COL5A1: variants seen among roughly 807,000 people sequenced by gnomAD.
The protein encoded by COL5A1 is collagen alpha-1(V) chain.
COL5A1 carries 16 observed loss-of-function variants against 263.7 expected under a neutral mutation model. The observed-to-expected ratio is 0.06, with a 90% CI of 0.04 to 0.09. The LOEUF is 0.09. COL5A1 is among the 10% of genes least tolerant of loss of function. The pLI, the probability that COL5A1 is intolerant of heterozygous loss-of-function variation, is 1.00. For synonymous variants in COL5A1, 1,012 were observed against 1,004.5 expected (o/e 1.01, Z -0.14); for missense variants, 2,036 against 2,540.5 (o/e 0.80, Z 4.27).
chr9:134,836,111 C>T (rs1275184736), intron 65 of COL5A1, among the ~76,000 whole-genome samples: 1 of 152,206 alleles, frequency 6.6e-6, no homozygotes, highest in Non-Finnish European at 1.5e-5. Flanking sequence ...GCGCCTCGCT[C>T]CTTTAGTGTT....
intron 32 of COL5A1, among the ~76,000 whole-genome samples, chr9:134,792,890 T>TGC (rs919844397): frequency 1.4e-4 from 7 of 48,322 alleles, no homozygotes; most frequent in Non-Finnish European, 3.7e-4. Context: ...CACGTGTGTG[T>TGC]GCGCGCGTGT....
chr9:134,759,713 C>CA (rs1491459750), intron 18 of COL5A1, among the ~76,000 whole-genome samples: 2 of 95,394 alleles, frequency 2.1e-5, no homozygotes, highest in East Asian at 4.0e-4. Context: ...CATGCACACA[C>CA]CCCCCCACCC....
intron 28 of COL5A1, 24 bp downstream of exon 28, chr9:134,780,170 G>A (rs199535540): frequency 3.1e-6 from 5 of 1,612,630 alleles, no homozygotes; most frequent in Non-Finnish European, 4.2e-6. Context: ...TGCAGCCACG[G>A]GGCCCCCTGC....
intron 4 of COL5A1, among the ~76,000 whole-genome samples, chr9:134,714,070 C>T (rs906154822): frequency 1.3e-5 from 2 of 152,204 alleles, no homozygotes; most frequent in Non-Finnish European, 2.9e-5. Flanking sequence ...TTGAGACTTA[C>T]AGTCAGAGAC....
At chr9:134,778,880 G>A (rs1198977585) in intron 27 of COL5A1, among the ~76,000 whole-genome samples, 1 of 152,262 alleles carries the variant, frequency 6.6e-6, no homozygotes, top group African/African-American at 2.4e-5. Context: ...GTGCCTTGCA[G>A]CTGGCACTGG....
In COL5A1 at chr9:134,755,932, C is replaced by T. The variant is rs1588507750; in HGVS notation, c.1828-833C>T. 6.6e-6 allele frequency among the ~76,000 whole-genome samples: 1 copy of T among 152,066 alleles called. No individual in the cohort carries two copies. The highest frequency in any genetic ancestry group is 1.5e-5 in the Non-Finnish European group (1 of 68,024). On this transcript the variant is annotated intron_variant, in intron 16 of 65. Transcript: ENST00000371817. This position sits in a 1 kb window ranked among gnomAD's most constrained non-coding sequence, Gnocchi z 4.1. ...CAAGGGCCTCATATGAGGAGGAGCC[C>T]CTGGAAAATGGAAGTGCAGGGTGGC... is the stretch of plus-strand genomic sequence containing the variant.
intron 4 of COL5A1, among the ~76,000 whole-genome samples, chr9:134,713,816 CTG>C (rs1022738139): frequency 6.6e-6 from 1 of 152,160 alleles, no homozygotes; most frequent in Admixed American, 6.5e-5. Flanking sequence ...ATAGAAAGAA[CTG>C]GGGTCTGAAC....
At chr9:134,766,634 GC>G in intron 22 of COL5A1, 136 bp downstream of exon 22, 1 of 885,904 alleles carries the variant, frequency 1.1e-6, no homozygotes, top group Non-Finnish European at 1.8e-6. Context: ...CTGCTGTGGT[GC>G]CCACCCTCCA....
rs767915677 is a variant in COL5A1 at position 134,652,651 on chromosome 9, C to A, written c.109+10355C>A. The A allele has an allele frequency of 4.3e-6, 2 of 470,340 alleles. No homozygotes were observed. Among genetic ancestry groups the A allele is most frequent in the South Asian group, 1.6e-5 (1 of 64,502 alleles). The allele number at this position is 470,340 out of a possible 1,614,324, so 29.1% of individuals were successfully genotyped here. A position where few individuals can be genotyped will look rare whatever the true frequency, so the allele number is the denominator to read the frequency against. ...CCCCACCAAAAAGACTGACCCAGCC[C>A]GGAGGCTGCAGGAATCGTGGGATAG... On this transcript the variant is annotated intron_variant, in intron 1 of 65. Transcript: ENST00000371817. The surrounding 1 kb of genome is among the most constrained non-coding windows in gnomAD (Gnocchi z 4.4).
intron 19 of COL5A1, 121 bp downstream of exon 19, chr9:134,762,099 C>A: frequency 1.0e-6 from 1 of 990,042 alleles, no homozygotes; most frequent in Non-Finnish European, 1.6e-6. Flanking sequence ...GGAGGGCCAG[C>A]TGGGAGAAGG....
intron 11 of COL5A1, among the ~76,000 whole-genome samples, chr9:134,743,952 C>A (rs1835381704): frequency 6.6e-6 from 1 of 152,154 alleles, no homozygotes; most frequent in African/African-American, 2.4e-5. Flanking sequence ...CCAGGACCAG[C>A]CTTGGGGTGA....
At position 134,782,845 on chromosome 9, in the gene COL5A1, A is replaced by C. The variant is rs1381194161; in HGVS notation, c.2484+125A>C. 12 of 961,714 alleles carry C rather than the reference A, an allele frequency of 1.2e-5. No individual in the cohort carries two copies. The Admixed American group carries it at 2.1e-4, about 17-fold the overall frequency. 59.6% of individuals were successfully genotyped at this position (961,714 alleles called of 1,614,324 possible). Reference sequence around the variant, plus strand: ...GAATGGAGGTAAACTCTTGGTAGAGATTCCTGGTGGGAAGGGGACAGTGGC... The same window carrying C: ...GAATGGAGGTAAACTCTTGGTAGAGCTTCCTGGTGGGAAGGGGACAGTGGC... On this transcript the variant is annotated intron_variant, in intron 29 of 65. Coordinates refer to ENST00000371817, the MANE Select transcript of COL5A1 (RefSeq NM_000093.5).
chr9:134,834,830 G>A (rs911189737), intron 64 of COL5A1, 141 bp from the exon 65 acceptor site: 36 of 667,956 alleles, frequency 5.4e-5, no homozygotes, highest in Middle Eastern at 3.9e-4. Context: ...GGCCTCGGCC[G>A]GGTCTGTGGG....
rs1429328064 is a variant in COL5A1 at position 134,754,941 on chromosome 9, G to A, written c.1827+615G>A. Among the ~76,000 whole-genome samples, 1 of 152,142 alleles carries A rather than the reference G, an allele frequency of 6.6e-6. No individual in the cohort carries two copies. Among genetic ancestry groups the A allele is most frequent in the East Asian group, 1.9e-4 (1 of 5,188 alleles). On this transcript the variant is annotated intron_variant, in intron 16 of 65. Coordinates refer to ENST00000371817, the MANE Select transcript of COL5A1 (RefSeq NM_000093.5). The surrounding 1 kb of genome is among the most constrained non-coding windows in gnomAD (Gnocchi z 4.3). ...TTTCTGGTGAACGAGAGAAATTTCG[G>A]TGCAGGGTTGGATTTGTTTCAGTGT...
At chr9:134,783,528 C>T (rs905268411) in intron 29 of COL5A1, among the ~76,000 whole-genome samples, 1 of 152,178 alleles carries the variant, frequency 6.6e-6, no homozygotes, top group African/African-American at 2.4e-5. Context: ...CAGAAGGAAC[C>T]GAAGACGCCT....
At chr9:134,718,802 CCT>C (rs1453176480) in intron 4 of COL5A1, among the ~76,000 whole-genome samples, 2 of 152,208 alleles carry the variant, frequency 1.3e-5, no homozygotes, top group Admixed American at 6.5e-5. Context: ...AGTGGCGCTG[CCT>C]CTCAGACCCT....
intron 4 of COL5A1, among the ~76,000 whole-genome samples, chr9:134,717,765 C>T (rs1834321231): frequency 6.6e-6 from 1 of 152,162 alleles, no homozygotes; most frequent in South Asian, 2.1e-4. Flanking sequence ...TTTACCAGCA[C>T]GAAGTGCTCT....
chr9:134,839,737 G>GTGAGGAGGT (rs947886897), intron 65 of COL5A1, among the ~76,000 whole-genome samples: 3 of 152,212 alleles, frequency 2.0e-5, no homozygotes, highest in African/African-American at 2.4e-5. Flanking sequence ...GGTGGGGAGG[G>GTGAGGAGGT]TGAGGAGGTT....
intron 22 of COL5A1, 99 bp from the exon 23 acceptor site, chr9:134,766,901 T>G: frequency 2.5e-6 from 3 of 1,180,156 alleles, no homozygotes; most frequent in Non-Finnish European, 3.7e-6. Context: ...TGGGGAGCAG[T>G]TTGAAAGGAT....
Sources: allele counts gnomAD v4.1 joint callset (sites outside exome capture counted in the v4.1 genomes callset), GRCh38; gene constraint gnomAD v4.1.1; non-coding constraint Gnocchi (gnomAD v3.1); transcripts MANE v1.5; gene names NCBI Gene and HGNC (gene_info 2026-07-23, HGNC 2026-07-21).